RBMS3: variants seen among roughly 807,000 people sequenced by gnomAD.
RBMS3 encodes RNA binding motif single stranded interacting protein 3, also known as RNA-binding motif, single-stranded-interacting protein 3.
Under a neutral mutation model 66.8 loss-of-function variants are expected in RBMS3, and 27 were observed. The ratio of observed to expected loss-of-function variants is 0.40; its 90% CI spans 0.30 to 0.56. RBMS3 has a LOEUF of 0.56. RBMS3 is among the 20% of genes least tolerant of loss of function. The probability of loss-of-function intolerance (pLI) is 0.40; values close to 1 mark genes in which losing one functional copy is unlikely to be tolerated. For missense variants in RBMS3, 513 were observed against 549.5 expected, an observed-to-expected ratio of 0.93 and a Z score of 0.66; for synonymous variants, 188 against 183.0, an observed-to-expected ratio of 1.03 and a Z score of -0.22.
chr3:29,658,783 T>G (rs2149224714), intron 4 of RBMS3, among the ~76,000 whole-genome samples: 1 of 152,338 alleles, frequency 6.6e-6, no homozygotes, highest in East Asian at 1.9e-4. Context: ...TTTGACATTC[T>G]GATTTCTTAT....
At chr3:29,999,190 A>G (rs1240208030) in intron 14 of RBMS3, among the ~76,000 whole-genome samples, 1 of 152,246 alleles carries the variant, frequency 6.6e-6, no homozygotes, top group East Asian at 1.9e-4. Flanking sequence ...CATCAGAGAA[A>G]TGCAAATCAA....
intron 12 of RBMS3, among the ~76,000 whole-genome samples, chr3:29,968,557 C>T (rs988993796): frequency 1.9e-5 from 2 of 103,678 alleles, no homozygotes; most frequent in Non-Finnish European, 4.3e-5. Flanking sequence ...CTCAGCTCGG[C>T]TCTCTTAACT....
At position 29,630,252 on chromosome 3, in the gene RBMS3, A is replaced by G. The variant is rs9851179; in HGVS notation, c.399+43047A>G. ...AATGCCAACTCAGTTTTGTTTTTTA[A>G]TTCTGTCGTACAGCATAGAAAAGCT... On this transcript the variant is annotated intron_variant, in intron 4 of 14. Coordinates refer to ENST00000383767, the MANE Select transcript of RBMS3 (RefSeq NM_001003793.3). Among the ~76,000 whole-genome samples the G allele has an allele frequency of 5.6e-3, 850 of 152,158 alleles. 5 individuals are homozygous for G. The highest frequency in any genetic ancestry group is 0.019 in the African/African-American group (790 of 41,558).
At chr3:29,434,948 C>T in intron 2 of RBMS3, 33 bp downstream of exon 2, 1 of 1,583,962 alleles carries the variant, frequency 6.3e-7, no homozygotes, top group Non-Finnish European at 8.6e-7. Context: ...TGCTGTTTCT[C>T]ACTCCCATAC....
intron 5 of RBMS3, among the ~76,000 whole-genome samples, chr3:29,753,939 A>G (rs1242312020): frequency 6.6e-6 from 1 of 152,074 alleles, no homozygotes; most frequent in Non-Finnish European, 1.5e-5. Flanking sequence ...AAAATTTTAA[A>G]TGAGATAAAA....
intron 3 of RBMS3, among the ~76,000 whole-genome samples, chr3:29,493,970 G>C (rs992410691): frequency 3.3e-5 from 5 of 152,162 alleles, no homozygotes; most frequent in African/African-American, 1.2e-4. Context: ...GTGACACTTG[G>C]TTTTGAATCC....
rs187251651 is a variant in RBMS3, at chr3:29,503,371, G to A, written c.307+14872G>A. Among the ~76,000 whole-genome samples the A allele has an allele frequency of 1.1e-3, 164 of 151,680 alleles. 1 individual carries two copies. Among genetic ancestry groups the A allele is most frequent in the African/African-American group, 3.7e-3 (155 of 41,342 alleles). On this transcript the variant is annotated intron_variant, in intron 3 of 14. Coordinates refer to ENST00000383767, the MANE Select transcript of RBMS3 (RefSeq NM_001003793.3). ...TCATTCATTCCCTTCTGTCCTTTACGGAAATGTTAAGCATCTGTGCTCAGT... is the reference window on the plus strand; with the variant it reads ...TCATTCATTCCCTTCTGTCCTTTACAGAAATGTTAAGCATCTGTGCTCAGT...
intron 3 of RBMS3, among the ~76,000 whole-genome samples, chr3:29,517,269 A>ATG (rs1338597930): frequency 1.7e-5 from 2 of 120,484 alleles, no homozygotes; most frequent in Non-Finnish European, 3.4e-5. Flanking sequence ...GTGATTTCAT[A>ATG]TATGTGTGTG....
At chr3:29,619,895 G>C (rs1559513854) in intron 4 of RBMS3, among the ~76,000 whole-genome samples, 1 of 151,934 alleles carries the variant, frequency 6.6e-6, no homozygotes, top group African/African-American at 2.4e-5. Flanking sequence ...ACGTGAGGCT[G>C]TTTGTTCTTG....
At position 29,899,734 on chromosome 3, in the gene RBMS3, G is replaced by T. The variant is rs763922967; in HGVS notation, c.918G>T (p.Pro306=). The T allele has an allele frequency of 1.2e-6, 2 of 1,610,064 alleles. No homozygotes were observed. Among genetic ancestry groups the T allele is most frequent in the South Asian group, 1.1e-5 (1 of 90,926 alleles). ...QVQSTSWMPH[P]PYVMQPTGAV... ...AGAGTACTTCATGGATGCCTCATCC[G>T]CCATACGTTATGCAACCAACAGTAA... Residue 306 remains proline, a synonymous_variant, in exon 10 of 15, where the codon CCG becomes CCT. Transcript: ENST00000383767.
intron 1 of RBMS3, among the ~76,000 whole-genome samples, chr3:29,391,765 C>G (rs1304766721): frequency 6.6e-6 from 1 of 151,786 alleles, no homozygotes; most frequent in Non-Finnish European, 1.5e-5. Context: ...TAGGGATGAG[C>G]AAAATTGAAC....
At chr3:29,431,320 G>C (rs1197754968) in intron 1 of RBMS3, among the ~76,000 whole-genome samples, 1 of 81,658 alleles carries the variant, frequency 1.2e-5, no homozygotes, top group East Asian at 3.6e-4. Context: ...TTTTGACAGA[G>C]TCTCACTCTG....
intron 6 of RBMS3, among the ~76,000 whole-genome samples, chr3:29,799,468 C>T (rs547675565): frequency 1.5e-4 from 23 of 152,246 alleles, no homozygotes; most frequent in East Asian, 9.7e-4. Flanking sequence ...CTCCTTAATG[C>T]CAATGGCACA....
intron 1 of RBMS3, among the ~76,000 whole-genome samples, chr3:29,286,333 A>G (rs1362771228): frequency 6.6e-6 from 1 of 152,004 alleles, no homozygotes; most frequent in Non-Finnish European, 1.5e-5. Flanking sequence ...CTTCATTATC[A>G]GTGGGATTGA....
intron 1 of RBMS3, among the ~76,000 whole-genome samples, chr3:29,311,942 T>C (rs1320933832): frequency 6.6e-6 from 1 of 151,768 alleles, no homozygotes; most frequent in African/African-American, 2.4e-5. Context: ...AATGCTTGAG[T>C]TGGATCAGAG....
chr3:29,346,396 C>CTT (rs34803214), intron 1 of RBMS3, among the ~76,000 whole-genome samples: 1,651 of 60,040 alleles, frequency 0.027, 48 homozygotes, highest in East Asian at 0.041. Flanking sequence ...GCAATTCATT[C>CTT]TTTTTTTTTT....
At chr3:29,826,003 A>G (rs1343274159) in intron 6 of RBMS3, among the ~76,000 whole-genome samples, 1 of 152,144 alleles carries the variant, frequency 6.6e-6, no homozygotes, top group Non-Finnish European at 1.5e-5. Flanking sequence ...TATACTTGTC[A>G]TGATAATAAA....
intron 6 of RBMS3, among the ~76,000 whole-genome samples, chr3:29,824,997 G>A (rs146066143): frequency 9.1e-4 from 138 of 150,922 alleles, no homozygotes; most frequent in African/African-American, 3.2e-3. Flanking sequence ...TTGCCCCAAA[G>A]TCTTCAAACT....
At chr3:29,942,464 A>C (rs66982305) in intron 11 of RBMS3, among the ~76,000 whole-genome samples, 2 of 151,618 alleles carry the variant, frequency 1.3e-5, no homozygotes, top group Non-Finnish European at 2.9e-5. Context: ...TTGAGGTTAC[A>C]GTGAGCTATG....
Sources: allele counts gnomAD v4.1 joint callset (sites outside exome capture counted in the v4.1 genomes callset), GRCh38; gene constraint gnomAD v4.1.1; transcripts MANE v1.5; gene names NCBI Gene and HGNC (gene_info 2026-07-23, HGNC 2026-07-21).